The following DNAJC5G variants were observed in gnomAD, a reference collection of about 807,000 sequenced individuals.
DNAJC5G encodes the protein DnaJ heat shock protein family (Hsp40) member C5 gamma, also known as dnaJ homolog subfamily C member 5G.
A neutral mutation model predicts 19.1 loss-of-function variants in DNAJC5G; 13 were observed. That is an observed-to-expected ratio of 0.68 (90% confidence interval 0.44 to 1.08). DNAJC5G has a LOEUF of 1.08. Among genes scored for constraint, DNAJC5G ranks in the 50% least tolerant of loss-of-function variants. The probability of loss-of-function intolerance (pLI) is 0.00; values close to 1 mark genes in which losing one functional copy is unlikely to be tolerated. For missense variants in DNAJC5G, 245 were observed against 230.4 expected (o/e 1.06, Z -0.41); for synonymous variants, 81 against 84.4 (o/e 0.96, Z 0.22).
At position 27,277,744 on chromosome 2, in the gene DNAJC5G, C is replaced by T. The variant is rs1447829247; in HGVS notation, c.114-10C>T. 1 of 1,613,822 alleles carries T rather than the reference C, an allele frequency of 6.2e-7. No homozygotes were observed. On this transcript the variant is annotated splice_polypyrimidine_tract_variant and intron_variant, in intron 3 of 6. Coordinates refer to ENST00000296097, the MANE Select transcript of DNAJC5G (RefSeq NM_173650.3). ...AATCCATGTCATTCATCGTAAGTCT[C>T]CTTCCCCAGCCATTCCGCATTGCTT...
rs1276684130 is a variant in DNAJC5G, at chr2:27,276,836, C to G, written c.108C>G (p.Ser36=). The part of the protein sequence containing the change: ...KGASPEDFKK[S]YSHSALLPHP... Reference sequence around the variant, plus strand: ...CCTCACCTGAAGACTTCAAAAAATCCTACAGGTTCAGACCTCAGCCCTTTA... The same window carrying G: ...CCTCACCTGAAGACTTCAAAAAATCGTACAGGTTCAGACCTCAGCCCTTTA... The change falls in exon 3 of 7, where the codon TCC becomes TCG. Residue 36 remains serine (S), a synonymous_variant. Transcript: ENST00000296097. The G allele has an allele frequency of 1.2e-5, 19 of 1,613,772 alleles. No individual in the cohort carries two copies. The highest frequency in any genetic ancestry group is 1.2e-5 in the Non-Finnish European group (14 of 1,179,926).
rs1433946717 is a variant in DNAJC5G at position 27,275,472 on chromosome 2, C to CAACT, written c.-366_-363dup. 2.9e-6 allele frequency: 1 copy of CAACT among 342,046 alleles called. No individual in the cohort carries two copies. Among genetic ancestry groups the CAACT allele is most frequent in the African/African-American group, 2.2e-5 (1 of 46,458 alleles). The allele number at this position is 342,046 out of a possible 1,614,324, so 21.2% of individuals were successfully genotyped here. A position where few individuals can be genotyped will look rare whatever the true frequency, so the allele number is the denominator to read the frequency against. On this transcript the variant is annotated 5_prime_UTR_variant, in exon 1 of 7. Transcript: ENST00000296097. ...CGTCGACGCTGCGCACAAGCGCAGT[C>CAACT]AACTGCTGGACCCGGCCGGTGTGAA...
chr2:27,275,596 G>A (rs905626632), intron 1 of DNAJC5G, 43 bp downstream of exon 1: 56 of 281,544 alleles, frequency 2.0e-4, no homozygotes, highest in African/African-American at 1.2e-3. Flanking sequence ...CAGGGCCAGA[G>A]GTGCCCTGCA....
chr2:27,279,748 CAA>C (rs936898268), intron 5 of DNAJC5G, among the ~76,000 whole-genome samples: 27 of 68,802 alleles, frequency 3.9e-4, no homozygotes, highest in African/African-American at 5.9e-4. Context: ...CCAGTATCTA[CAA>C]AAAAAAAAAA....
chr2:27,280,227 G>T lies in DNAJC5G; in HGVS notation c.*12G>T. The T allele has an allele frequency of 6.2e-7, 1 of 1,613,874 alleles. No individual in the cohort carries two copies. The highest frequency in any genetic ancestry group is 2.2e-5 in the East Asian group (1 of 44,862). On this transcript the variant is annotated 3_prime_UTR_variant, in exon 6 of 7. Transcript: ENST00000296097. ...AAGATGATTTTTAAGAGATGAAGAA[G>T]GATGAGGTATGTAAACCGAAAGGCA...
Position 27,276,265 on chromosome 2 carries a change from A to G in DNAJC5G, c.-126A>G, listed in dbSNP as rs1178459286. Reference sequence around the variant, plus strand: ...CAAGAGCAAAAAACTCCGTCAAAAAAAAAAAAAAGAAGAAGAAGTTGTGGA... The same window carrying G: ...CAAGAGCAAAAAACTCCGTCAAAAAGAAAAAAAAGAAGAAGAAGTTGTGGA... On this transcript the variant is annotated 5_prime_UTR_variant, in exon 2 of 7. Transcript: ENST00000296097. The G allele has an allele frequency of 6.5e-6, 1 of 152,886 alleles. No individual in the cohort carries two copies. Among genetic ancestry groups the G allele is most frequent in the Non-Finnish European group, 1.5e-5 (1 of 68,598 alleles). The allele number at this position is 152,886 out of a possible 1,614,324, so 9.5% of individuals were successfully genotyped here. A position where few individuals can be genotyped will look rare whatever the true frequency, so the allele number is the denominator to read the frequency against.
rs763282160 is a variant in DNAJC5G, at chr2:27,280,126, A to G, written c.521-40A>G. On this transcript the variant is annotated intron_variant, in intron 5 of 6. Coordinates refer to ENST00000296097, the MANE Select transcript of DNAJC5G (RefSeq NM_173650.3). ...ATCAGTACACTACGAAAAGTTACTA[A>G]ACGTTTGTATATGTAAACATATATA... The G allele has an allele frequency of 1.9e-6, 3 of 1,595,586 alleles. No individual in the cohort carries two copies. In the South Asian group the frequency reaches 3.3e-5, roughly 18 times the overall value.
At position 27,276,673 on chromosome 2, in the gene DNAJC5G, C is replaced by T. The variant is rs146746840; in HGVS notation, c.-3-53C>T. 1,225 of 1,555,180 alleles carry T rather than the reference C, an allele frequency of 7.9e-4. 9 individuals are homozygous for T. The highest frequency in any genetic ancestry group is 7.9e-3 in the South Asian group (689 of 87,618). ...TTCCTGTCACTGGAAGTGCACTTCT[C>T]GGTACCCTTACTTGTAGAAGTTCTC... On this transcript the variant is annotated intron_variant, in intron 2 of 6. Transcript: ENST00000296097.
intron 2 of DNAJC5G, 80 bp from the exon 3 acceptor site, chr2:27,276,646 G>C: frequency 3.1e-6 from 4 of 1,288,646 alleles, no homozygotes; most frequent in Non-Finnish European, 3.3e-6. Flanking sequence ...AAGGTAGTGA[G>C]TTTCCTGTCA....
rs1677981079 is a variant in DNAJC5G at position 27,275,505 on chromosome 2, A to C, written c.-334A>C. The C allele has an allele frequency of 3.0e-6, 1 of 330,164 alleles. No individual in the cohort carries two copies. Among genetic ancestry groups the C allele is most frequent in the South Asian group, 2.4e-5 (1 of 42,444 alleles). 20.5% of individuals were successfully genotyped at this position (330,164 alleles called of 1,614,324 possible). A position where few individuals can be genotyped will look rare whatever the true frequency, so the allele number is the denominator to read the frequency against. ...GGACCCGGCCGGTGTGAAGTTTCACACCCAAAAGGATGAAGGGCACCCACC... is the reference window on the plus strand; with the variant it reads ...GGACCCGGCCGGTGTGAAGTTTCACCCCCAAAAGGATGAAGGGCACCCACC... On this transcript the variant is annotated 5_prime_UTR_variant, in exon 1 of 7. Coordinates refer to ENST00000296097, the MANE Select transcript of DNAJC5G (RefSeq NM_173650.3).
chr2:27,278,352 A>T lies in DNAJC5G; in HGVS notation c.520+20A>T. Reference sequence around the variant, plus strand: ...GGTCAGGTGAGAACTGCAAGCAGGGACTGTGAGGTAAGAAATGTCTGGATT... The same window carrying T: ...GGTCAGGTGAGAACTGCAAGCAGGGTCTGTGAGGTAAGAAATGTCTGGATT... On this transcript the variant is annotated intron_variant, in intron 5 of 6. Coordinates refer to ENST00000296097, the MANE Select transcript of DNAJC5G (RefSeq NM_173650.3). 1 of 1,613,658 alleles carries T rather than the reference A, an allele frequency of 6.2e-7. No individual in the cohort carries two copies.
intron 4 of DNAJC5G, 36 bp downstream of exon 4, chr2:27,278,051 A>G: frequency 6.2e-7 from 1 of 1,609,992 alleles, no homozygotes; most frequent in Non-Finnish European, 8.5e-7. Context: ...GAATAAGGAA[A>G]GAAGGGTGAC....
At position 27,276,309 on chromosome 2, in the gene DNAJC5G, C is replaced by T. The variant is rs116472761; in HGVS notation, c.-82C>T. 0.022 allele frequency: 3,379 copies of T among 154,818 alleles called. 126 individuals are homozygous for T. Among genetic ancestry groups the T allele is most frequent in the African/African-American group, 0.076 (3,165 of 41,570 alleles). The allele number at this position is 154,818 out of a possible 1,614,324, so 9.6% of individuals were successfully genotyped here. On this transcript the variant is annotated 5_prime_UTR_variant, in exon 2 of 7. Transcript: ENST00000296097. ...TTGTGGAGCTGTCTGATTCCTGATC[C>T]TGTCCGTTCAGGCTGGGGCCGCCCT... is the stretch of plus-strand genomic sequence containing the variant.
In DNAJC5G at chr2:27,281,224, T is replaced by C. The variant is rs1678358381; in HGVS notation, c.*814T>C. 6.6e-6 allele frequency: 1 copy of C among 152,356 alleles called. No individual in the cohort carries two copies. The highest frequency in any genetic ancestry group is 1.5e-5 in the Non-Finnish European group (1 of 68,034). 9.4% of individuals were successfully genotyped at this position (152,356 alleles called of 1,614,324 possible). On this transcript the variant is annotated 3_prime_UTR_variant, in exon 7 of 7. Transcript: ENST00000296097. Reference sequence around the variant, plus strand: ...TTGACATATAATTTGTTCTTAAAAATAGGGGCATGAAATATGTGATCTGGA... The same window carrying C: ...TTGACATATAATTTGTTCTTAAAAACAGGGGCATGAAATATGTGATCTGGA...
Position 27,280,249 on chromosome 2 carries a change from G to A in DNAJC5G, c.*18+16G>A, listed in dbSNP as rs1203656662. The A allele has an allele frequency of 1.2e-6, 2 of 1,602,646 alleles. No individual in the cohort carries two copies. The highest frequency in any genetic ancestry group is 1.3e-5 in the African/African-American group (1 of 74,674). On this transcript the variant is annotated intron_variant, in intron 6 of 6. Coordinates refer to ENST00000296097, the MANE Select transcript of DNAJC5G (RefSeq NM_173650.3). ...GAAGGATGAGGTATGTAAACCGAAA[G>A]GCAGCAACAGTTATCAGATAAGAAA...
At chr2:27,278,683 C>CAA (rs1180058010) in intron 5 of DNAJC5G, among the ~76,000 whole-genome samples, 88 of 26,526 alleles carry the variant, frequency 3.3e-3, no homozygotes, top group Non-Finnish European at 4.7e-3. Context: ...GACTCCATCT[C>CAA]AAAAAAAAAA....
chr2:27,281,213 G>T lies in DNAJC5G; in HGVS notation c.*803G>T. ...ATGCAGGCCAATTGACATATAATTT[G>T]TTCTTAAAAATAGGGGCATGAAATA... On this transcript the variant is annotated 3_prime_UTR_variant, in exon 7 of 7. Transcript: ENST00000296097. The T allele has an allele frequency of 6.6e-6, 1 of 152,412 alleles. No homozygotes were observed. Among genetic ancestry groups the T allele is most frequent in the East Asian group, 1.9e-4 (1 of 5,322 alleles). 9.4% of individuals were successfully genotyped at this position (152,412 alleles called of 1,614,324 possible).
At chr2:27,276,438 C>A (rs143498321) in intron 2 of DNAJC5G, 51 bp downstream of exon 2, 226 of 281,514 alleles carry the variant, frequency 8.0e-4, no homozygotes, top group African/African-American at 4.8e-3. Context: ...TTAGACCTCT[C>A]CCTGCTTACA....
chr2:27,276,448 A>G (rs1351781723), intron 2 of DNAJC5G, 61 bp downstream of exon 2: 1 of 304,938 alleles, frequency 3.3e-6, no homozygotes, highest in African/African-American at 2.2e-5. Context: ...CCCTGCTTAC[A>G]ACACCTCTAG....
Sources: allele counts gnomAD v4.1 joint callset (sites outside exome capture counted in the v4.1 genomes callset), GRCh38; gene constraint gnomAD v4.1.1; transcripts MANE v1.5; gene names NCBI Gene and HGNC (gene_info 2026-07-23, HGNC 2026-07-21).